ABCG2: variants seen among roughly 807,000 people sequenced by gnomAD.
ABCG2 encodes ATP binding cassette subfamily G member 2 (JR blood group), also known as broad substrate specificity ATP-binding cassette transporter ABCG2.
Under a neutral mutation model 73.5 loss-of-function variants are expected in ABCG2, and 80 were observed. The ratio of observed to expected loss-of-function variants is 1.09; its 90% CI spans 0.91 to 1.31. The LOEUF (loss-of-function observed/expected upper bound fraction) is 1.31, where lower values mean the gene tolerates loss of function less well. ABCG2 is among the 50% of genes most tolerant of loss of function. ABCG2 has a pLI of 0.00. For missense variants in ABCG2, 796 were observed against 786.2 expected, an observed-to-expected ratio of 1.01 and a Z score of -0.15; for synonymous variants, 269 against 282.4, an observed-to-expected ratio of 0.95 and a Z score of 0.48.
chr4:88,140,178 C>T (rs766151600), intron 1 of ABCG2, among the ~76,000 whole-genome samples, 164 bp from the exon 2 acceptor site: 2 of 152,118 alleles, frequency 1.3e-5, no homozygotes, highest in Non-Finnish European at 2.9e-5. Context: ...TCCTAAAAAC[C>T]TAAATGGGAA....
In ABCG2 at chr4:88,205,743, C is replaced by T. The variant is rs186760842; in HGVS notation, c.-20+25251G>A. On this transcript the variant is annotated intron_variant, in intron 1 of 15. Transcript: ENST00000515655. The stretch of plus-strand genomic sequence containing the variant: ...TGTCGCCCAGGCTGGAGTGCAGTGG[C>T]GCGATCTCAGCTCACTGCAACCTCT... Among the ~76,000 whole-genome samples the T allele has an allele frequency of 8.5e-5, 13 of 152,138 alleles. No individual in the cohort carries two copies. In the East Asian group the frequency reaches 1.4e-3, roughly 16 times the overall value.
chr4:88,097,392 T>C (rs1722056863), intron 13 of ABCG2, 61 bp downstream of exon 13: 1 of 1,583,136 alleles, frequency 6.3e-7, no homozygotes, highest in African/African-American at 1.4e-5. Context: ...CAAGTGAATG[T>C]GCAGGAAGAA....
At chr4:88,177,707 C>T (rs1231989575) in intron 1 of ABCG2, among the ~76,000 whole-genome samples, 1 of 152,128 alleles carries the variant, frequency 6.6e-6, no homozygotes, top group Non-Finnish European at 1.5e-5. Flanking sequence ...GGACACCACC[C>T]CTCCCCAATC....
intron 1 of ABCG2, among the ~76,000 whole-genome samples, chr4:88,147,953 C>A (rs1260671443): frequency 6.6e-6 from 1 of 152,194 alleles, no homozygotes; most frequent in Non-Finnish European, 1.5e-5. Flanking sequence ...TACTTCCAGC[C>A]AGGAATGTCC....
chr4:88,161,176 T>A (rs1727287150), upstream of ABCG2, among the ~76,000 whole-genome samples: 3 of 150,230 alleles, frequency 2.0e-5, no homozygotes. Context: ...TTAATTTTTT[T>A]TTTTTTTATT....
intron 9 of ABCG2, among the ~76,000 whole-genome samples, chr4:88,110,106 C>T (rs1723031098): frequency 6.6e-6 from 1 of 152,160 alleles, no homozygotes; most frequent in African/African-American, 2.4e-5. Flanking sequence ...TGCACCACCA[C>T]ACTTAGCTCA....
intron 1 of ABCG2, among the ~76,000 whole-genome samples, chr4:88,191,166 A>T (rs1728674194): frequency 6.9e-6 from 1 of 144,240 alleles, no homozygotes; most frequent in South Asian, 2.5e-4. Flanking sequence ...AATGGCGTGA[A>T]CCCAGGAGGC....
At chr4:88,224,112 A>G (rs1406126783) in intron 1 of ABCG2, among the ~76,000 whole-genome samples, 2 of 152,150 alleles carry the variant, frequency 1.3e-5, no homozygotes, top group African/African-American at 4.8e-5. Flanking sequence ...CCATTATCAA[A>G]TATGTAATTT....
chr4:88,176,182 A>G (rs1016583510), intron 1 of ABCG2, among the ~76,000 whole-genome samples: 4 of 148,642 alleles, frequency 2.7e-5, no homozygotes, highest in Admixed American at 2.7e-4. Context: ...TTTTGTGGAG[A>G]CAGGGTCTTG....
In ABCG2 at chr4:88,091,335, C is replaced by G. The variant is rs1721632863; in HGVS notation, c.*899G>C. On this transcript the variant is annotated 3_prime_UTR_variant, in exon 16 of 16. Transcript: ENST00000237612. ...TAAGGTATATAAGTAGGAAAGAAAA[C>G]CTATGTAGGGACAGATGTTAATAGT... The G allele has an allele frequency of 6.6e-6, 1 of 152,054 alleles. No homozygotes were observed. Among genetic ancestry groups the G allele is most frequent in the Admixed American group, 6.5e-5 (1 of 15,268 alleles). 9.4% of individuals were successfully genotyped at this position (152,054 alleles called of 1,614,324 possible). A position where few individuals can be genotyped will look rare whatever the true frequency, so the allele number is the denominator to read the frequency against.
At chr4:88,162,465 T>G (rs1727356751), upstream of ABCG2, among the ~76,000 whole-genome samples, 1 of 152,142 alleles carries the variant, frequency 6.6e-6, no homozygotes, top group African/African-American at 2.4e-5. Context: ...TATTTTAGAT[T>G]GTGATGTTTC....
intron 1 of ABCG2, among the ~76,000 whole-genome samples, chr4:88,193,705 TG>T (rs1350765098): frequency 1.3e-5 from 2 of 152,172 alleles, no homozygotes; most frequent in Non-Finnish European, 2.9e-5. Flanking sequence ...TGAATGTAGA[TG>T]GGATTTTACT....
chr4:88,133,464 C>G (rs1478013940), intron 2 of ABCG2, among the ~76,000 whole-genome samples: 1 of 152,054 alleles, frequency 6.6e-6, no homozygotes, highest in Non-Finnish European at 1.5e-5. Flanking sequence ...CTGGAAAATT[C>G]CAAGTTTAGA....
intron 1 of ABCG2, among the ~76,000 whole-genome samples, chr4:88,197,612 G>A (rs1728986411): frequency 6.6e-6 from 1 of 151,496 alleles, no homozygotes; most frequent in African/African-American, 2.4e-5. Context: ...GTAAGACCCT[G>A]TCTCAAAATT....
intron 1 of ABCG2, among the ~76,000 whole-genome samples, chr4:88,217,819 A>G (rs769899330): frequency 2.6e-5 from 4 of 152,098 alleles, no homozygotes; most frequent in Admixed American, 6.5e-5. Context: ...ATAAAATATT[A>G]GCAGTGCACA....
At chr4:88,157,245 A>T (rs1727009103) in intron 1 of ABCG2, among the ~76,000 whole-genome samples, 1 of 152,224 alleles carries the variant, frequency 6.6e-6, no homozygotes, top group Admixed American at 6.5e-5. Flanking sequence ...GGCATTCTAC[A>T]AATTAACTGA....
At chr4:88,214,530 T>G (rs1027612445) in intron 1 of ABCG2, among the ~76,000 whole-genome samples, 1 of 152,210 alleles carries the variant, frequency 6.6e-6, no homozygotes, top group Non-Finnish European at 1.5e-5. Flanking sequence ...GAGAGAGCAG[T>G]GCAGGTCTTC....
intron 1 of ABCG2, among the ~76,000 whole-genome samples, chr4:88,214,700 A>T (rs1729740679): frequency 6.6e-6 from 1 of 150,794 alleles, no homozygotes. Context: ...TACAAAAAAA[A>T]GTTTTTTTGT....
chr4:88,156,821 CG>C (rs1471260386), intron 1 of ABCG2, among the ~76,000 whole-genome samples: 3 of 152,048 alleles, frequency 2.0e-5, no homozygotes, highest in Admixed American at 2.0e-4. Context: ...TAAGAAGTAT[CG>C]GCTAGGGCAC....
Sources: gnomAD v4.1 joint callset for allele counts (sites outside exome capture counted in the v4.1 genomes callset) on GRCh38, gnomAD v4.1.1 for gene constraint, MANE v1.5 for transcripts, NCBI Gene and HGNC (gene_info 2026-07-23, HGNC 2026-07-21) for gene names.